Variants in SYDE2 observed in about 807,000 individuals in gnomAD.
SYDE2 encodes the protein rho GTPase-activating protein SYDE2.
In SYDE2, 76 loss-of-function variants were observed where a neutral mutation model predicts 91.5. The ratio of observed to expected loss-of-function variants is 0.83; its 90% confidence interval spans 0.69 to 1.01. SYDE2 has a LOEUF of 1.01. Ranked by LOEUF, SYDE2 falls within the 50% of genes least tolerant of loss-of-function variation. The pLI is 0.00. For synonymous variants in SYDE2, 513 were observed against 506.4 expected (o/e 1.01, Z -0.18); for missense variants, 1,364 against 1,367.7 (o/e 1.00, Z 0.04).
chr1:85,161,966 C>A (rs890665336), intron 6 of SYDE2, among the ~76,000 whole-genome samples: 4 of 152,124 alleles, frequency 2.6e-5, no homozygotes, highest in Non-Finnish European at 5.9e-5. Flanking sequence ...GTTCCCCCAT[C>A]CCTTGCTGAT....
chr1:85,187,439 A>C (rs957562223), intron 2 of SYDE2, among the ~76,000 whole-genome samples: 7 of 151,924 alleles, frequency 4.6e-5, no homozygotes, highest in African/African-American at 1.5e-4. Flanking sequence ...TAGTTCAACC[A>C]TTGTGGAAGT....
At chr1:85,155,515 A>G (rs1242827467), downstream of SYDE2, among the ~76,000 whole-genome samples, 1 of 152,182 alleles carries the variant, frequency 6.6e-6, no homozygotes, top group Non-Finnish European at 1.5e-5. Flanking sequence ...AAAAGCAATT[A>G]CTTACTCCAG....
intron 6 of SYDE2, chr1:85,161,220 G>A (rs1212515664): frequency 3.3e-5 from 17 of 521,870 alleles, no homozygotes; most frequent in African/African-American, 6.2e-5. Context: ...TTTTCTACCA[G>A]TAGATTTGTT....
At chr1:85,189,565 A>G (rs748235261) in intron 2 of SYDE2, among the ~76,000 whole-genome samples, 4 of 152,198 alleles carry the variant, frequency 2.6e-5, no homozygotes, top group Non-Finnish European at 5.9e-5. Flanking sequence ...GCCAGGCACA[A>G]TGGCTCACAC....
intron 2 of SYDE2, among the ~76,000 whole-genome samples, chr1:85,187,633 T>C (rs1258205796): frequency 4.4e-4 from 66 of 150,998 alleles, no homozygotes; most frequent in Middle Eastern, 3.4e-3. Context: ...CCAACAATGA[T>C]AGACTGGATT....
Position 85,164,535 on chromosome 1 carries a change from G to T in SYDE2, c.3076C>A (p.Leu1026Ile). The change falls in exon 6 of 7, where the codon CTC (leucine) becomes ATC (isoleucine). Residue 1026 changes from leucine to isoleucine, a missense_variant. Coordinates refer to ENST00000341460, the MANE Select transcript of SYDE2 (RefSeq NM_032184.2). ...HIEVLHYLLQ[L>I]WPVQRLTVKK... ...CCATAGAATCATTTACCTGGCCAGA[G>T]TTGGAGTAAGTAATGAAGAACTTCA... 6.3e-7 allele frequency: 1 copy of T among 1,592,364 alleles called. No individual in the cohort carries two copies.
intron 4 of SYDE2, among the ~76,000 whole-genome samples, chr1:85,169,758 C>T (rs996726201): frequency 2.0e-5 from 3 of 152,128 alleles, no homozygotes; most frequent in Non-Finnish European, 4.4e-5. Flanking sequence ...TAATGCTACA[C>T]TATCATATGC....
At chr1:85,194,226 A>C (rs1658492850) in intron 1 of SYDE2, among the ~76,000 whole-genome samples, 1 of 151,428 alleles carries the variant, frequency 6.6e-6, no homozygotes, top group South Asian at 2.1e-4. Flanking sequence ...AGATATGGAA[A>C]GCTATTTGCA....
chr1:85,170,114 C>CTTTT (rs5775829), intron 4 of SYDE2, among the ~76,000 whole-genome samples: 11 of 131,250 alleles, frequency 8.4e-5, no homozygotes, highest in African/African-American at 2.9e-4. Context: ...CTTCCCATCT[C>CTTTT]TTTTTTTTTT....
At chr1:85,165,957 C>T (rs1309885383) in intron 5 of SYDE2, among the ~76,000 whole-genome samples, 1 of 148,716 alleles carries the variant, frequency 6.7e-6, no homozygotes. Flanking sequence ...CACTGCAGCA[C>T]CGACCTTCCT....
intron 6 of SYDE2, chr1:85,160,400 T>A (rs1377227135): frequency 1.1e-6 from 1 of 881,910 alleles, no homozygotes; most frequent in African/African-American, 1.8e-5. Flanking sequence ...TGTACACAGG[T>A]ATGTTTTTAA....
At chr1:85,186,000 C>T (rs1658123919) in intron 2 of SYDE2, among the ~76,000 whole-genome samples, 1 of 152,040 alleles carries the variant, frequency 6.6e-6, no homozygotes, top group South Asian at 2.1e-4. Flanking sequence ...GAGTTTTTAG[C>T]ATGAAGGGTT....
rs1658303020 is a variant in SYDE2, at chr1:85,190,106, T to C, written c.1392A>G (p.Gln464=). The change falls in exon 2 of 7, where the codon CAA becomes CAG. Residue 464 remains glutamine, a synonymous_variant. Coordinates refer to ENST00000341460, the MANE Select transcript of SYDE2 (RefSeq NM_032184.2). ...QYKQKLGHKT[Q]EGIMVEDSPM... ...GACTGTCCTCCACCATTATACCTTC[T>C]TGTGTCTTGTGTCCTAGCTTTTGCT... 1.2e-6 allele frequency: 2 copies of C among 1,613,896 alleles called. No homozygotes were observed. The highest frequency in any genetic ancestry group is 8.5e-7 in the Non-Finnish European group (1 of 1,179,834).
intron 1 of SYDE2, among the ~76,000 whole-genome samples, chr1:85,194,021 A>G (rs1388728389): frequency 6.6e-6 from 1 of 152,198 alleles, no homozygotes; most frequent in Non-Finnish European, 1.5e-5. Flanking sequence ...GCTGAACTTT[A>G]AACTTATAGA....
In SYDE2 at chr1:85,182,990, T is replaced by A; in HGVS notation, c.1652A>T (p.Tyr551Phe). The A allele has an allele frequency of 6.2e-7, 1 of 1,613,310 alleles. No homozygotes were observed. The highest frequency in any genetic ancestry group is 8.5e-7 in the Non-Finnish European group (1 of 1,179,682). The change falls in exon 3 of 7, where the codon TAT (tyrosine) becomes TTT (phenylalanine). Residue 551 changes from tyrosine (Y) to phenylalanine (F), a missense_variant. By Grantham distance (22) the Tyr-to-Phe change is conservative. Coordinates refer to ENST00000341460, the MANE Select transcript of SYDE2 (RefSeq NM_032184.2). ...AGGAGTATTATCTGGACTGTTTATA[T>A]AATTCAATGTTCCCTTAACGCTTAG... ...RKLSVKGTLN[Y>F]INSPDNTPSL...
At chr1:85,165,495 C>A (rs1229259926) in intron 5 of SYDE2, among the ~76,000 whole-genome samples, 1 of 151,912 alleles carries the variant, frequency 6.6e-6, no homozygotes, top group African/African-American at 2.4e-5. Flanking sequence ...GGAAGCTAAC[C>A]ATTCCGGAAC....
chr1:85,165,268 A>G (rs1348468174), intron 5 of SYDE2, among the ~76,000 whole-genome samples: 1 of 152,214 alleles, frequency 6.6e-6, no homozygotes, highest in African/African-American at 2.4e-5. Flanking sequence ...AATTTAATCC[A>G]TTAAATGGTT....
intron 4 of SYDE2, among the ~76,000 whole-genome samples, chr1:85,175,365 T>G (rs1301335774): frequency 6.6e-6 from 1 of 152,184 alleles, no homozygotes; most frequent in Non-Finnish European, 1.5e-5. Context: ...CTGGGCGTAG[T>G]GGCGTGTGCC....
chr1:85,196,025 C>T (rs80324941), intron 1 of SYDE2, among the ~76,000 whole-genome samples: 205 of 152,306 alleles, frequency 1.3e-3, no homozygotes, highest in African/African-American at 4.6e-3. Flanking sequence ...TTGTCCTATA[C>T]GGCCTCCTCT....
Sources: gnomAD v4.1 joint callset for allele counts (sites outside exome capture counted in the v4.1 genomes callset) on GRCh38, gnomAD v4.1.1 for gene constraint, MANE v1.5 for transcripts, NCBI Gene and HGNC (gene_info 2026-07-23, HGNC 2026-07-21) for gene names.